The following LMO7 variants were observed in gnomAD, a reference collection of about 807,000 sequenced individuals.
LMO7 encodes LIM domain only protein 7.
Under a neutral mutation model 206.5 loss-of-function variants are expected in LMO7, and 120 were observed. The ratio of observed to expected loss-of-function variants is 0.58; its 90% confidence interval spans 0.50 to 0.68. LMO7 has a LOEUF of 0.68. Among genes scored for constraint, LMO7 ranks in the 30% least tolerant of loss-of-function variants. LMO7 has a pLI of 0.00. For synonymous variants in LMO7, 706 were observed against 681.5 expected (o/e 1.04, Z -0.56); for missense variants, 1,959 against 1,957.9 (o/e 1.00, Z -0.01).
chr13:75,702,794 A>G (rs947021248), intron 1 of LMO7, among the ~76,000 whole-genome samples: 18 of 152,222 alleles, frequency 1.2e-4, no homozygotes, highest in Non-Finnish European at 2.4e-4. Flanking sequence ...GCAGGTTGTC[A>G]TTAAATAATT....
intron 20 of LMO7, 109 bp from the exon 21 acceptor site, chr13:75,839,976 A>G (rs2059442460): frequency 3.1e-6 from 3 of 973,174 alleles, no homozygotes; most frequent in Non-Finnish European, 4.8e-6. Flanking sequence ...GTCACTTAGT[A>G]TACTGGCATA....
intron 3 of LMO7, among the ~76,000 whole-genome samples, chr13:75,736,905 G>A (rs941115860): frequency 6.6e-6 from 1 of 152,068 alleles, no homozygotes; most frequent in Admixed American, 6.5e-5. Context: ...GGAGATCAAA[G>A]GTTTTTTAAA....
At chr13:75,816,975 G>A (rs1320330636) in intron 11 of LMO7, 186 bp from the exon 12 acceptor site, 4 of 443,408 alleles carry the variant, frequency 9.0e-6, no homozygotes, top group South Asian at 8.7e-5. Flanking sequence ...ATTCACACTC[G>A]AGTGCTCTTG....
intron 1 of LMO7, among the ~76,000 whole-genome samples, chr13:75,679,671 C>G (rs1157613451): frequency 6.6e-6 from 1 of 152,156 alleles, no homozygotes; most frequent in Admixed American, 6.5e-5. Flanking sequence ...GCCTTGACCT[C>G]CTGGACTTAA....
At chr13:75,802,699 C>T (rs1465194388) in intron 7 of LMO7, among the ~76,000 whole-genome samples, 5 of 152,024 alleles carry the variant, frequency 3.3e-5, no homozygotes, top group Non-Finnish European at 5.9e-5. Flanking sequence ...TTAAAGAGTG[C>T]GTAAGTGAAG....
In LMO7 at chr13:75,834,521, T is replaced by A. The variant is rs961963332; in HGVS notation, c.3226+134T>A. 2.0e-5 allele frequency: 12 copies of A among 609,486 alleles called. No homozygotes were observed. In the Admixed American group the frequency reaches 3.5e-4, roughly 18 times the overall value. 37.8% of individuals were successfully genotyped at this position (609,486 alleles called of 1,614,324 possible). ...GGCATTAAAGGTTTTTGTAGTTACGTCATGACAAATCTTGAACCCTACCCC... is the reference window on the plus strand; with the variant it reads ...GGCATTAAAGGTTTTTGTAGTTACGACATGACAAATCTTGAACCCTACCCC... On this transcript the variant is annotated intron_variant, in intron 17 of 30. Coordinates refer to ENST00000377534, the MANE Select transcript of LMO7 (RefSeq NM_001306080.2).
intron 4 of LMO7, among the ~76,000 whole-genome samples, chr13:75,762,851 T>A (rs1490964427): frequency 6.6e-6 from 1 of 151,970 alleles, no homozygotes; most frequent in African/African-American, 2.4e-5. Flanking sequence ...AGCAAAGGGG[T>A]TGACCCTGGG....
At chr13:75,768,147 A>T (rs2049143161) in intron 4 of LMO7, among the ~76,000 whole-genome samples, 1 of 152,046 alleles carries the variant, frequency 6.6e-6, no homozygotes, top group African/African-American at 2.4e-5. Context: ...CATTTTCATA[A>T]TTTGGCTTCC....
At chr13:75,724,473 T>C (rs1304999367) in intron 2 of LMO7, among the ~76,000 whole-genome samples, 1 of 152,160 alleles carries the variant, frequency 6.6e-6, no homozygotes, top group African/African-American at 2.4e-5. Flanking sequence ...ATCTGAATCT[T>C]GAATAGAATC....
At position 75,772,369 on chromosome 13, in the gene LMO7, G is replaced by C. The variant is rs149626792; in HGVS notation, c.317+11331G>C. Among the ~76,000 whole-genome samples the C allele has an allele frequency of 9.2e-5, 14 of 152,226 alleles. No homozygotes were observed. The East Asian group carries it at 2.7e-3, about 29-fold the overall frequency. The stretch of plus-strand genomic sequence containing the variant: ...GATGGGTTAGATGTGATAAACACTT[G>C]AGTTTTAAAGCTATTAAATGTATAA... On this transcript the variant is annotated intron_variant, in intron 4 of 30. Transcript: ENST00000377534.
At chr13:75,829,422 G>A (rs2138754323) in intron 15 of LMO7, among the ~76,000 whole-genome samples, 1 of 152,182 alleles carries the variant, frequency 6.6e-6, no homozygotes, top group South Asian at 2.1e-4. Context: ...GTGGGATGAA[G>A]GAAGGAGAGA....
Position 75,800,766 on chromosome 13 carries a change from T to G in LMO7, c.545T>G (p.Phe182Cys). 1 of 1,614,102 alleles carries G rather than the reference T, an allele frequency of 6.2e-7. No individual in the cohort carries two copies. The highest frequency in any genetic ancestry group is 8.5e-7 in the Non-Finnish European group (1 of 1,179,960). The change falls in exon 7 of 31, where the codon TTT becomes TGT. Residue 182 changes from phenylalanine to cysteine, a missense_variant. Physicochemically the swap from Phe to Cys is radical, Grantham distance 205. Transcript: ENST00000377534. ...GDIWCPERGE[F>C]LAPPRHHKRE... The stretch of plus-strand genomic sequence containing the variant: ...ATCTGGTGTCCTGAACGTGGAGAAT[T>G]TCTTGCTCCTCCAAGGCACCATAAG...
At chr13:75,821,088 C>T in intron 13 of LMO7, 89 bp from the exon 14 acceptor site, 1 of 914,722 alleles carries the variant, frequency 1.1e-6, no homozygotes, top group Non-Finnish European at 1.7e-6. Flanking sequence ...ATTTTATTCC[C>T]AGTCCGTTTC....
intron 1 of LMO7, among the ~76,000 whole-genome samples, chr13:75,703,453 T>C (rs2042423029): frequency 6.6e-6 from 1 of 152,182 alleles, no homozygotes; most frequent in African/African-American, 2.4e-5. Flanking sequence ...CGCTGATATA[T>C]AGAGAACTAC....
intron 4 of LMO7, among the ~76,000 whole-genome samples, chr13:75,791,469 T>C (rs970063595): frequency 6.6e-6 from 1 of 152,224 alleles, no homozygotes; most frequent in South Asian, 2.1e-4. Flanking sequence ...TACATTTCTA[T>C]AGGTTAAATA....
intron 3 of LMO7, among the ~76,000 whole-genome samples, chr13:75,734,031 A>C (rs1433803134): frequency 1.3e-5 from 2 of 152,204 alleles, no homozygotes; most frequent in African/African-American, 4.8e-5. Context: ...GTGCATTTCC[A>C]AAATAGTCAA....
intron 11 of LMO7, among the ~76,000 whole-genome samples, chr13:75,814,419 C>G (rs921213242): frequency 6.6e-6 from 1 of 152,084 alleles, no homozygotes; most frequent in African/African-American, 2.4e-5. Context: ...CTGTAACAGA[C>G]ATAAGGCTGA....
intron 1 of LMO7, among the ~76,000 whole-genome samples, chr13:75,704,906 A>T (rs1049436517): frequency 1.4e-4 from 22 of 152,270 alleles, no homozygotes; most frequent in African/African-American, 5.3e-4. Context: ...TACACCTCAT[A>T]GCTAAAGAAA....
At position 75,636,362 on chromosome 13, in the gene LMO7, C is replaced by T. The variant is rs1184437314; in HGVS notation, c.-296C>T. 6 of 1,249,402 alleles carry T rather than the reference C, an allele frequency of 4.8e-6. No homozygotes were observed. The highest frequency in any genetic ancestry group is 3.2e-5 in the African/African-American group (2 of 62,320). 77.4% of individuals were successfully genotyped at this position (1,249,402 alleles called of 1,614,324 possible). A position where few individuals can be genotyped will look rare whatever the true frequency, so the allele number is the denominator to read the frequency against. On this transcript the variant is annotated 5_prime_UTR_variant, in exon 1 of 31. Transcript: ENST00000377534. ...CGTCGGGGCTGGTGCCGCGCGCTGC[C>T]GCTGGGCACCCGCTTCGCTTCCCGC... is the stretch of plus-strand genomic sequence containing the variant.
Sources: gnomAD v4.1 joint callset for allele counts (sites outside exome capture counted in the v4.1 genomes callset) on GRCh38, gnomAD v4.1.1 for gene constraint, MANE v1.5 for transcripts, NCBI Gene and HGNC (gene_info 2026-07-23, HGNC 2026-07-21) for gene names.